Variants in NAP1L1 observed in about 807,000 individuals in gnomAD.
The protein encoded by NAP1L1 is nucleosome assembly protein 1-like 1.
A neutral mutation model predicts 58.9 loss-of-function variants in NAP1L1; 9 were observed. That is an observed-to-expected ratio of 0.15 (90% CI 0.09 to 0.27). The LOEUF (loss-of-function observed/expected upper bound fraction) is 0.27. NAP1L1 is among the 10% of genes least tolerant of loss of function. The pLI is 1.00. For missense variants in NAP1L1, 302 were observed against 458.8 expected (o/e 0.66, Z 3.12); for synonymous variants, 130 against 138.3 (o/e 0.94, Z 0.42).
Position 76,048,110 on chromosome 12 carries a change from A to G in NAP1L1, c.*319T>C, listed in dbSNP as rs1948660977. 3.2e-6 allele frequency: 1 copy of G among 309,374 alleles called. No individual in the cohort carries two copies. The highest frequency in any genetic ancestry group is 5.9e-6 in the Non-Finnish European group (1 of 169,696). The allele number at this position is 309,374 out of a possible 1,614,324, so 19.2% of individuals were successfully genotyped here. ...TTCAAGGAAAAAATTACAAAAAAAAAAAAAAGGTATTTCCTTTAACAGTTG... is the reference window on the plus strand; with the variant it reads ...TTCAAGGAAAAAATTACAAAAAAAAGAAAAAGGTATTTCCTTTAACAGTTG... On this transcript the variant is annotated 3_prime_UTR_variant, in exon 15 of 15. Transcript: ENST00000618691.
chr12:76,049,621 T>C, intron 13 of NAP1L1, 135 bp downstream of exon 13: 1 of 1,518,994 alleles, frequency 6.6e-7, no homozygotes, highest in South Asian at 1.2e-5. Context: ...GGCTGTAGAA[T>C]TCTAAAATCA....
intron 4 of NAP1L1, among the ~76,000 whole-genome samples, chr12:76,066,646 A>G (rs887277789): frequency 3.3e-5 from 5 of 152,146 alleles, no homozygotes; most frequent in Non-Finnish European, 7.4e-5. Flanking sequence ...CAAAAACACT[A>G]TGAAGCTGGA....
rs1279159334 is a variant in NAP1L1, at chr12:76,041,665, T to G, written c.*6764A>C. 1 of 152,124 alleles carries G rather than the reference T, an allele frequency of 6.6e-6. No individual in the cohort carries two copies. The highest frequency in any genetic ancestry group is 6.6e-5 in the Admixed American group (1 of 15,258). 9.4% of individuals were successfully genotyped at this position (152,124 alleles called of 1,614,324 possible). ...AGGAGGTTGAGGTGAGACAACCACT[T>G]GAGCCCAGGAGTTAGACACTAGTCC... On this transcript the variant is annotated 3_prime_UTR_variant, in exon 15 of 15. Transcript: ENST00000618691.
chr12:76,070,576 T>C (rs1359370848), intron 2 of NAP1L1, among the ~76,000 whole-genome samples: 2 of 152,208 alleles, frequency 1.3e-5, no homozygotes. Flanking sequence ...ACTATGCCCA[T>C]GTGGCCAAAT....
intron 1 of NAP1L1, among the ~76,000 whole-genome samples, chr12:76,080,959 CCCCATGTGATA>C (rs892665948): frequency 6.6e-6 from 1 of 152,206 alleles, no homozygotes; most frequent in African/African-American, 2.4e-5. Flanking sequence ...TCAGCCCCCT[CCCCATGTGATA>C]CCCTGTACTG....
At chr12:76,065,730 G>A (rs1034941862) in intron 4 of NAP1L1, among the ~76,000 whole-genome samples, 1 of 152,038 alleles carries the variant, frequency 6.6e-6, no homozygotes, top group Non-Finnish European at 1.5e-5. Flanking sequence ...AATATTAAAA[G>A]ATATAATTCT....
intron 4 of NAP1L1, among the ~76,000 whole-genome samples, chr12:76,062,652 C>T (rs151023034): frequency 1.4e-3 from 214 of 152,074 alleles, no homozygotes; most frequent in African/African-American, 3.8e-3. Context: ...AGGATAGATT[C>T]GACTGAAGAT....
chr12:76,049,398 A>G, intron 13 of NAP1L1, 148 bp from the exon 14 acceptor site: 4 of 1,535,286 alleles, frequency 2.6e-6, no homozygotes, highest in Non-Finnish European at 3.5e-6. Flanking sequence ...TTAATTTGAA[A>G]GCTTCTAATA....
In NAP1L1 at chr12:76,037,912, T is replaced by C. The variant is rs936591675; in HGVS notation, c.*10517A>G. 1.3e-5 allele frequency: 2 copies of C among 152,222 alleles called. No homozygotes were observed. The highest frequency in any genetic ancestry group is 2.9e-5 in the Non-Finnish European group (2 of 68,048). 9.4% of individuals were successfully genotyped at this position (152,222 alleles called of 1,614,324 possible). A position where few individuals can be genotyped will look rare whatever the true frequency, so the allele number is the denominator to read the frequency against. On this transcript the variant is annotated 3_prime_UTR_variant, in exon 15 of 15. Coordinates refer to ENST00000618691, the MANE Select transcript of NAP1L1 (RefSeq NM_004537.7). ...ACTTAAACTGAGGGGAAATGACTAA[T>C]GTTTTGTCTGGAAATGTATTGATAT...
chr12:76,049,095 T>G, intron 14 of NAP1L1, 105 bp downstream of exon 14: 1 of 1,152,288 alleles, frequency 8.7e-7, no homozygotes, highest in Non-Finnish European at 1.3e-6. Flanking sequence ...GTCAATAGGC[T>G]TTATTTATTA....
intron 6 of NAP1L1, among the ~76,000 whole-genome samples, chr12:76,059,036 G>C (rs188651486): frequency 1.9e-4 from 29 of 152,308 alleles, no homozygotes; most frequent in Admixed American, 4.6e-4. Flanking sequence ...CCACTTCTTT[G>C]AAATTAGAAG....
Position 76,068,979 on chromosome 12 carries a change from T to C in NAP1L1, c.33A>G (p.Glu11=). The change falls in exon 3 of 15, where the codon GAA becomes GAG. Residue 11 remains glutamate, a synonymous_variant. Transcript: ENST00000618691. ...CAACATCATCCAAATCTTGATCAAG[T>C]TCAGACTGTTCTTTGCTATAATATC... MADIDNKEQS[E]LDQDLDDVEE... 6.2e-7 allele frequency: 1 copy of C among 1,612,134 alleles called. No homozygotes were observed. Among genetic ancestry groups the C allele is most frequent in the Admixed American group, 1.7e-5 (1 of 59,930 alleles).
chr12:76,074,060 CACTGCACTAG>C (rs1212987903), intron 2 of NAP1L1, 133 bp downstream of exon 2: 3 of 687,426 alleles, frequency 4.4e-6, no homozygotes, highest in Non-Finnish European at 7.6e-6. Flanking sequence ...ACCTTGAATA[CACTGCACTAG>C]ACTTTTGTAA....
chr12:76,054,913 T>C (rs545388540), intron 8 of NAP1L1, 106 bp downstream of exon 8: 3 of 677,698 alleles, frequency 4.4e-6, no homozygotes, highest in Non-Finnish European at 4.8e-6. Context: ...TTATTCACTA[T>C]AACAAAGAGC....
intron 1 of NAP1L1, among the ~76,000 whole-genome samples, chr12:76,077,980 C>CAAAAAAAAAAAAAAAAAAAAAAAA (rs58558132): frequency 3.0e-5 from 2 of 65,962 alleles, no homozygotes; most frequent in East Asian, 9.3e-4. Flanking sequence ...GACCCTGTCT[C>CAAAAAAAAAAAAAAAAAAAAAAAA]AAAAAAAAAA....
intron 1 of NAP1L1, among the ~76,000 whole-genome samples, chr12:76,075,749 C>T (rs188481330): frequency 2.0e-5 from 3 of 152,318 alleles, no homozygotes; most frequent in Non-Finnish European, 4.4e-5. Flanking sequence ...TCTACCACAT[C>T]ATCAATAACT....
chr12:76,068,776 A>ACACACACACACT (rs1592676763), intron 3 of NAP1L1, 133 bp downstream of exon 3: 1 of 639,852 alleles, frequency 1.6e-6, no homozygotes, highest in Admixed American at 2.5e-5. Context: ...ACACACACAC[A>ACACACACACACT]CACTAGAAGT....
rs984801285 is a variant in NAP1L1, at chr12:76,044,886, G to C, written c.*3543C>G. The C allele has an allele frequency of 1.3e-5, 2 of 152,066 alleles. No homozygotes were observed. Among genetic ancestry groups the C allele is most frequent in the African/African-American group, 4.8e-5 (2 of 41,418 alleles). 9.4% of individuals were successfully genotyped at this position (152,066 alleles called of 1,614,324 possible). On this transcript the variant is annotated 3_prime_UTR_variant, in exon 15 of 15. Coordinates refer to ENST00000618691, the MANE Select transcript of NAP1L1 (RefSeq NM_004537.7). ...TGTAAGTGATCCTCAATCAGTCCAA[G>C]AACTTGGCTTTTTATCCAGGTTATA... is the stretch of plus-strand genomic sequence containing the variant.
Position 76,068,735 on chromosome 12 carries a change from T to TACACACACACACACACAC in NAP1L1, c.103+156_103+173dup, listed in dbSNP as rs35120003. 6.1e-3 allele frequency: 1,793 copies of TACACACACACACACACAC among 294,810 alleles called. 32 individuals are homozygous for TACACACACACACACACAC. The highest frequency in any genetic ancestry group is 8.4e-3 in the African/African-American group (296 of 35,124). The allele number at this position is 294,810 out of a possible 1,614,324, so 18.3% of individuals were successfully genotyped here. A position where few individuals can be genotyped will look rare whatever the true frequency, so the allele number is the denominator to read the frequency against. On this transcript the variant is annotated intron_variant, in intron 3 of 14. Coordinates refer to ENST00000618691, the MANE Select transcript of NAP1L1 (RefSeq NM_004537.7). ...GCTGTATCTATACCTACCCGCCCCT[T>TACACACACACACACACAC]ACACACACACACACACACACACACA...
Sources: gnomAD v4.1 joint callset for allele counts (sites outside exome capture counted in the v4.1 genomes callset) on GRCh38, gnomAD v4.1.1 for gene constraint, MANE v1.5 for transcripts, NCBI Gene and HGNC (gene_info 2026-07-23, HGNC 2026-07-21) for gene names.